The following KCTD10 variants were observed in gnomAD, a reference collection of about 807,000 sequenced individuals.
The protein encoded by KCTD10 is potassium channel tetramerization domain containing 10.
Under a neutral mutation model 34.6 loss-of-function variants are expected in KCTD10, and 13 were observed. The ratio of observed to expected loss-of-function variants is 0.38; its 90% CI spans 0.24 to 0.60. The LOEUF is 0.60. Ranked by LOEUF, KCTD10 falls within the 20% of genes least tolerant of loss-of-function variation. The pLI, the probability that KCTD10 is intolerant of heterozygous loss-of-function variation, is 0.66. For synonymous variants in KCTD10, 156 were observed against 168.8 expected (o/e 0.92, Z 0.59); for missense variants, 256 against 420.3 (o/e 0.61, Z 3.42).
intron 1 of KCTD10, among the ~76,000 whole-genome samples, chr12:109,472,511 TA>T (rs36004776): frequency 6.9e-4 from 100 of 144,134 alleles, no homozygotes; most frequent in Middle Eastern, 3.5e-3. Context: ...AGTTTTCACT[TA>T]AAAAAAAAAA....
chr12:109,461,829 T>TC (rs1369716848), intron 2 of KCTD10, among the ~76,000 whole-genome samples: 3 of 152,116 alleles, frequency 2.0e-5, no homozygotes, highest in Non-Finnish European at 4.4e-5. Context: ...GCAAGGGGCG[T>TC]CCCCACGGCT....
At chr12:109,466,995 C>T (rs1271306195) in intron 2 of KCTD10, among the ~76,000 whole-genome samples, 2 of 152,228 alleles carry the variant, frequency 1.3e-5, no homozygotes, top group African/African-American at 4.8e-5. Context: ...CCGACAGGAT[C>T]GCTCTGCCAG....
intron 2 of KCTD10, among the ~76,000 whole-genome samples, chr12:109,461,040 G>A (rs1484440066): frequency 6.6e-6 from 1 of 152,210 alleles, no homozygotes; most frequent in Non-Finnish European, 1.5e-5. Flanking sequence ...CTGAGGCTCT[G>A]TTAGACATCC....
intron 1 of KCTD10, among the ~76,000 whole-genome samples, chr12:109,475,170 G>A (rs1339674896): frequency 6.6e-6 from 1 of 152,068 alleles, no homozygotes. Context: ...TCACCTGCGT[G>A]TGCTTAAAAA....
Position 109,460,038 on chromosome 12 carries a change from C to T in KCTD10, c.387+598G>A, listed in dbSNP as rs1373873798. Among the ~76,000 whole-genome samples, 1 of 152,202 alleles carries T rather than the reference C, an allele frequency of 6.6e-6. No homozygotes were observed. Among genetic ancestry groups the T allele is most frequent in the Non-Finnish European group, 1.5e-5 (1 of 68,044 alleles). ...TATGGGTACTGGTCCGGTGCGGGGC[C>T]AGACACAGACATGTGGTGTGGGGGA... On this transcript the variant is annotated intron_variant, in intron 3 of 6. Coordinates refer to ENST00000228495, the MANE Select transcript of KCTD10 (RefSeq NM_031954.5). This position sits in a 1 kb window ranked among gnomAD's most constrained non-coding sequence, Gnocchi z 4.5.
At chr12:109,464,473 T>C (rs1873498526) in intron 2 of KCTD10, among the ~76,000 whole-genome samples, 2 of 152,310 alleles carry the variant, frequency 1.3e-5, no homozygotes, top group East Asian at 3.9e-4. Context: ...CCCATTGGTT[T>C]GGGCATCACT....
Position 109,460,878 on chromosome 12 carries a change from G to C in KCTD10, c.218-73C>G. 1.4e-6 allele frequency: 2 copies of C among 1,445,642 alleles called. No individual in the cohort carries two copies. Among genetic ancestry groups the C allele is most frequent in the Non-Finnish European group, 1.9e-6 (2 of 1,046,692 alleles). 89.6% of individuals were successfully genotyped at this position (1,445,642 alleles called of 1,614,324 possible). ...GGGAGGCCCTGAGCAGAGCTGGGGT[G>C]TCTCTCGGCTCCCTCTACCTCCCAG... On this transcript the variant is annotated intron_variant, in intron 2 of 6. Coordinates refer to ENST00000228495, the MANE Select transcript of KCTD10 (RefSeq NM_031954.5). The surrounding 1 kb of genome is among the most constrained non-coding windows in gnomAD (Gnocchi z 4.5).
chr12:109,472,403 A>G (rs1873933583), intron 1 of KCTD10, among the ~76,000 whole-genome samples: 2 of 152,140 alleles, frequency 1.3e-5, no homozygotes, highest in South Asian at 4.1e-4. Flanking sequence ...TCCCACTAGA[A>G]GGTCTTCAGG....
Position 109,473,380 on chromosome 12 carries a change from C to T in KCTD10, c.4-3652G>A, listed in dbSNP as rs577391896. Among the ~76,000 whole-genome samples, 137 of 152,306 alleles carry T rather than the reference C, an allele frequency of 9.0e-4. 1 individual carries two copies. The highest frequency in any genetic ancestry group is 2.9e-3 in the African/African-American group (122 of 41,560). ...TAGCTGTGTCCAGGGCCAAAAGCCTCACCTCCCTCACAGGGCTCCCTAGCT... is the reference window on the plus strand; with the variant it reads ...TAGCTGTGTCCAGGGCCAAAAGCCTTACCTCCCTCACAGGGCTCCCTAGCT... On this transcript the variant is annotated intron_variant, in intron 1 of 6. Transcript: ENST00000228495.
chr12:109,455,186 T>G (rs1044195340), intron 6 of KCTD10, among the ~76,000 whole-genome samples: 5 of 152,168 alleles, frequency 3.3e-5, no homozygotes, highest in Admixed American at 6.5e-5. Flanking sequence ...TTGGCTACCT[T>G]AAGAACAATA....
intron 2 of KCTD10, among the ~76,000 whole-genome samples, chr12:109,468,548 G>A (rs916907885): frequency 6.6e-5 from 10 of 152,052 alleles, no homozygotes; most frequent in South Asian, 2.1e-4. Context: ...TGACCTGCAC[G>A]CAAACCCAGC....
Position 109,460,800 on chromosome 12 carries a change from TC to T in KCTD10, c.222del (p.Trp74Ter), listed in dbSNP as rs765165850. 2 of 1,613,990 alleles carry T rather than the reference TC, an allele frequency of 1.2e-6. No individual in the cohort carries two copies. Among genetic ancestry groups the T allele is most frequent in the Non-Finnish European group, 1.7e-6 (2 of 1,179,886 alleles). On this transcript the variant is annotated frameshift_variant, in exon 3 of 7. Coordinates refer to ENST00000228495, the MANE Select transcript of KCTD10 (RefSeq NM_031954.5). LOFTEE classifies it high-confidence loss of function. This position sits in a 1 kb window ranked among gnomAD's most constrained non-coding sequence, Gnocchi z 4.5. Reference protein sequence around the residue: ...RMEVLTDSEGWILIDRCGKHF... With the variant: ...RMEVLTDSEGXILIDRCGKHF... ...TGCTTCCCACAGCGGTCAATGAGGA[TC>T]CAGCCTGCAGAGGGAGGAGGCAGGG...
At position 109,451,906 on chromosome 12, in the gene KCTD10, C is replaced by T; in HGVS notation, c.724-93G>A. On this transcript the variant is annotated intron_variant, in intron 6 of 6. Transcript: ENST00000228495. This position sits in a 1 kb window ranked among gnomAD's most constrained non-coding sequence, Gnocchi z 5.0. Reference sequence around the variant, plus strand: ...AGCAGGGCCGCCAGGCTAAATCAGGCCCCTGGGATTCTGCTGAAGGCCACC... The same window carrying T: ...AGCAGGGCCGCCAGGCTAAATCAGGTCCCTGGGATTCTGCTGAAGGCCACC... 3 of 873,110 alleles carry T rather than the reference C, an allele frequency of 3.4e-6. No homozygotes were observed. Among genetic ancestry groups the T allele is most frequent in the Non-Finnish European group, 1.7e-6 (1 of 601,794 alleles). 54.1% of individuals were successfully genotyped at this position (873,110 alleles called of 1,614,324 possible).
In KCTD10 at chr12:109,449,490, G is replaced by C. The variant is rs935337522; in HGVS notation, c.*2105C>G. 6.6e-6 allele frequency: 1 copy of C among 152,228 alleles called. No individual in the cohort carries two copies. Among genetic ancestry groups the C allele is most frequent in the Admixed American group, 6.5e-5 (1 of 15,282 alleles). 9.4% of individuals were successfully genotyped at this position (152,228 alleles called of 1,614,324 possible). A position where few individuals can be genotyped will look rare whatever the true frequency, so the allele number is the denominator to read the frequency against. ...ACCTGTAATCCCAGCACTTTGGGAG[G>C]CCAAGGTGGTCGGATCACAGGGTCA... On this transcript the variant is annotated 3_prime_UTR_variant, in exon 7 of 7. Transcript: ENST00000228495.
intron 1 of KCTD10, among the ~76,000 whole-genome samples, chr12:109,471,947 A>G (rs1247418305): frequency 6.6e-6 from 1 of 152,176 alleles, no homozygotes; most frequent in East Asian, 1.9e-4. Context: ...TTTTTTTCTA[A>G]TGGCATACTT....
At chr12:109,467,010 A>G (rs1592844828) in intron 2 of KCTD10, among the ~76,000 whole-genome samples, 1 of 152,234 alleles carries the variant, frequency 6.6e-6, no homozygotes, top group Non-Finnish European at 1.5e-5. Context: ...TGCCAGACAC[A>G]GACAACAGCT....
chr12:109,470,351 C>T (rs114523761), intron 1 of KCTD10: 2 of 985,544 alleles, frequency 2.0e-6, no homozygotes, highest in East Asian at 1.1e-4. Flanking sequence ...ACTTTTGGAA[C>T]CAAGTTATTG....
Position 109,451,861 on chromosome 12 carries a change from C to T in KCTD10, c.724-48G>A, listed in dbSNP as rs1418062704. 6.6e-7 allele frequency: 1 copy of T among 1,507,804 alleles called. No homozygotes were observed. The highest frequency in any genetic ancestry group is 1.4e-5 in the African/African-American group (1 of 72,432). The allele number at this position is 1,507,804 out of a possible 1,614,324, so 93.4% of individuals were successfully genotyped here. On this transcript the variant is annotated intron_variant, in intron 6 of 6. Coordinates refer to ENST00000228495, the MANE Select transcript of KCTD10 (RefSeq NM_031954.5). The surrounding 1 kb of genome is among the most constrained non-coding windows in gnomAD (Gnocchi z 5.0). ...GCAGGTAAGTTATGGCCCACCCCCTCTGCCAACACCTGGACTTTAAGCAGG... is the reference window on the plus strand; with the variant it reads ...GCAGGTAAGTTATGGCCCACCCCCTTTGCCAACACCTGGACTTTAAGCAGG...
chr12:109,471,826 TA>T (rs1294526152), intron 1 of KCTD10, among the ~76,000 whole-genome samples: 2 of 152,230 alleles, frequency 1.3e-5, no homozygotes, highest in East Asian at 3.8e-4. Flanking sequence ...AAATGCTTGT[TA>T]TGGGAAACGA....
Sources: gnomAD v4.1 joint callset for allele counts (sites outside exome capture counted in the v4.1 genomes callset) on GRCh38, gnomAD v4.1.1 for gene constraint, Gnocchi (gnomAD v3.1) non-coding constraint, MANE v1.5 for transcripts, NCBI Gene and HGNC (gene_info 2026-07-23, HGNC 2026-07-21) for gene names.